The following TVP23A variants were observed in gnomAD, a reference collection of about 807,000 sequenced individuals.
TVP23A encodes the protein Golgi apparatus membrane protein TVP23 homolog A.
TVP23A carries 21 observed loss-of-function variants against 31.7 expected under a neutral mutation model. The ratio of observed to expected loss-of-function variants is 0.66; its 90% CI spans 0.47 to 0.95. The LOEUF (loss-of-function observed/expected upper bound fraction) is 0.95. Among genes scored for constraint, TVP23A ranks in the 40% least tolerant of loss-of-function variants. The probability of loss-of-function intolerance (pLI) is 0.00; values close to 1 mark genes in which losing one functional copy is unlikely to be tolerated. For synonymous variants in TVP23A, 104 were observed against 96.0 expected, an observed-to-expected ratio of 1.08 and a Z score of -0.49; for missense variants, 279 against 255.6, an observed-to-expected ratio of 1.09 and a Z score of -0.62.
rs1596499911 is a variant in TVP23A at position 10,774,799 on chromosome 16, C to T, written c.234+153G>A. 1.3e-5 allele frequency among the ~76,000 whole-genome samples: 2 copies of T among 151,996 alleles called. 1 individual carries two copies. Among genetic ancestry groups the T allele is most frequent in the African/African-American group, 4.8e-5 (2 of 41,388 alleles). ...CTAATTTTTGTATTTTTAGTAGAGACGGGGTTTCTCCATTCCCCTTACTTT... is the reference window on the plus strand; with the variant it reads ...CTAATTTTTGTATTTTTAGTAGAGATGGGGTTTCTCCATTCCCCTTACTTT... On this transcript the variant is annotated intron_variant, in intron 3 of 7. Coordinates refer to ENST00000299866, the MANE Select transcript of TVP23A (RefSeq NM_001079512.4).
rs186774437 is a variant in TVP23A at position 10,784,809 on chromosome 16, A to T, written c.90-9713T>A. 4.7e-3 allele frequency among the ~76,000 whole-genome samples: 723 copies of T among 152,300 alleles called. 4 individuals are homozygous for T. Among genetic ancestry groups the T allele is most frequent in the Non-Finnish European group, 5.9e-3 (398 of 68,010 alleles). On this transcript the variant is annotated intron_variant, in intron 2 of 7. Coordinates refer to ENST00000299866, the MANE Select transcript of TVP23A (RefSeq NM_001079512.4). Reference sequence around the variant, plus strand: ...CTACAAAACTGAAACTGCTCTAAAAACAGAGCCAGGTCCAGGTGTGGTGGC... The same window carrying T: ...CTACAAAACTGAAACTGCTCTAAAATCAGAGCCAGGTCCAGGTGTGGTGGC...
In TVP23A at chr16:10,777,504, C is replaced by T. The variant is rs1378635387; in HGVS notation, c.90-2408G>A. 6.6e-6 allele frequency among the ~76,000 whole-genome samples: 1 copy of T among 152,110 alleles called. No individual in the cohort carries two copies. The highest frequency in any genetic ancestry group is 1.5e-5 in the Non-Finnish European group (1 of 68,014). On this transcript the variant is annotated intron_variant, in intron 2 of 7. Transcript: ENST00000299866. This position sits in a 1 kb window ranked among gnomAD's most constrained non-coding sequence, Gnocchi z 4.5. ...CATTCTCCCCAAGAAGAAACGGAGT[C>T]CGAGTCAACAAACCACAGGTGCCTC...
At chr16:10,766,331 G>C (rs1157235269), downstream of TVP23A, among the ~76,000 whole-genome samples, 1 of 152,208 alleles carries the variant, frequency 6.6e-6, no homozygotes, top group African/African-American at 2.4e-5. This position sits in a 1 kb window ranked among gnomAD's most constrained non-coding sequence, Gnocchi z 4.8. Flanking sequence ...GGGATCTCTT[G>C]GAACAGGGCT....
At chr16:10,757,694 G>T (rs1900651224), downstream of TVP23A, among the ~76,000 whole-genome samples, 1 of 152,138 alleles carries the variant, frequency 6.6e-6, no homozygotes, top group East Asian at 1.9e-4. The surrounding 1 kb of genome is among the most constrained non-coding windows in gnomAD (Gnocchi z 4.1). Flanking sequence ...TGGGCACAGT[G>T]GCACGCACTT....
In TVP23A at chr16:10,777,477, C is replaced by T. The variant is rs2032116184; in HGVS notation, c.90-2381G>A. On this transcript the variant is annotated intron_variant, in intron 2 of 7. Transcript: ENST00000299866. The surrounding 1 kb of genome is among the most constrained non-coding windows in gnomAD (Gnocchi z 4.5). Reference sequence around the variant, plus strand: ...ACAGAACTGCAGGGGAAAGCGCCTGCTCATTCTCCCCAAGAAGAAACGGAG... The same window carrying T: ...ACAGAACTGCAGGGGAAAGCGCCTGTTCATTCTCCCCAAGAAGAAACGGAG... Among the ~76,000 whole-genome samples the T allele has an allele frequency of 6.6e-6, 1 of 152,132 alleles. No individual in the cohort carries two copies. Among genetic ancestry groups the T allele is most frequent in the East Asian group, 1.9e-4 (1 of 5,188 alleles).
At chr16:10,804,954 C>T (rs755824717) in intron 2 of TVP23A, among the ~76,000 whole-genome samples, 5 of 151,914 alleles carry the variant, frequency 3.3e-5, no homozygotes, top group African/African-American at 4.8e-5. Context: ...CCCCACTCCT[C>T]CCAGATCCTG....
chr16:10,782,131 G>T (rs565547125), intron 2 of TVP23A, among the ~76,000 whole-genome samples: 165 of 152,098 alleles, frequency 1.1e-3, no homozygotes, highest in African/African-American at 3.8e-3. Flanking sequence ...CAAAGTGCCA[G>T]GATTATAGGT....
chr16:10,803,268 T>TGTGTGTGTGTGTGCGC, intron 2 of TVP23A, among the ~76,000 whole-genome samples: 1 of 151,420 alleles, frequency 6.6e-6, no homozygotes, highest in East Asian at 2.0e-4. Context: ...TGTGTGTGTG[T>TGTGTGTGTGTGTGCGC]GTGTGTGTGT....
chr16:10,785,403 C>CAA (rs202222383), intron 2 of TVP23A, among the ~76,000 whole-genome samples: 1 of 139,278 alleles, frequency 7.2e-6, no homozygotes, highest in African/African-American at 2.6e-5. Flanking sequence ...GACTCCATCT[C>CAA]AAAAAAAAAA....
At chr16:10,761,974 G>T, downstream of TVP23A, 1 of 778,688 alleles carries the variant, frequency 1.3e-6, no homozygotes, top group South Asian at 1.7e-5. Flanking sequence ...AGGGTCAATG[G>T]GGCGCTGGAG....
chr16:10,811,595 C>T (rs1240654046), intron 2 of TVP23A, among the ~76,000 whole-genome samples: 1 of 150,846 alleles, frequency 6.6e-6, no homozygotes, highest in Non-Finnish European at 1.5e-5. Flanking sequence ...TTAAATTAAA[C>T]ACACACACAC....
At chr16:10,802,192 A>G (rs1344436199) in intron 2 of TVP23A, among the ~76,000 whole-genome samples, 1 of 151,182 alleles carries the variant, frequency 6.6e-6, no homozygotes, top group Admixed American at 6.6e-5. Flanking sequence ...ACAATGGGAC[A>G]ATTTGAGTAA....
At chr16:10,758,004 G>A (rs539225397), downstream of TVP23A, 35 of 1,614,050 alleles carry the variant, frequency 2.2e-5, no homozygotes, top group South Asian at 3.6e-4. Flanking sequence ...CATCGATGGA[G>A]CAGTGATCAT....
At chr16:10,798,655 TTTTG>T (rs2033534253) in intron 2 of TVP23A, among the ~76,000 whole-genome samples, 1 of 117,648 alleles carries the variant, frequency 8.5e-6, no homozygotes, top group Non-Finnish European at 1.6e-5. Context: ...GCAGCTTATG[TTTTG>T]TTTTTGTTTT....
intron 2 of TVP23A, among the ~76,000 whole-genome samples, chr16:10,782,731 T>C (rs2032500920): frequency 6.6e-6 from 1 of 152,180 alleles, no homozygotes; most frequent in Admixed American, 6.6e-5. Flanking sequence ...CTCAAATTCC[T>C]GGGCTCAAGC....
chr16:10,816,228 C>CAAAAAAAAAAA lies in TVP23A; in HGVS notation c.89+1864_89+1874dup, dbSNP rs760801777. Among the ~76,000 whole-genome samples the CAAAAAAAAAAA allele has an allele frequency of 8.3e-3, 609 of 73,722 alleles. 9 individuals are homozygous for CAAAAAAAAAAA. The highest frequency in any genetic ancestry group is 0.022 in the African/African-American group (588 of 26,570). 48.4% of individuals were successfully genotyped at this position (73,722 alleles called of 152,430 possible). On this transcript the variant is annotated intron_variant, in intron 2 of 7. Coordinates refer to ENST00000299866, the MANE Select transcript of TVP23A (RefSeq NM_001079512.4). ...TTGGCAACAGAGCAAAACCCTATCT[C>CAAAAAAAAAAA]AAAAAAAAAAAAAAAAAAAAGAAAT...
At chr16:10,757,355 C>T (rs915835771), downstream of TVP23A, among the ~76,000 whole-genome samples, 3 of 152,012 alleles carry the variant, frequency 2.0e-5, no homozygotes, top group African/African-American at 7.2e-5. This position sits in a 1 kb window ranked among gnomAD's most constrained non-coding sequence, Gnocchi z 4.1. Flanking sequence ...TTATTTGGGT[C>T]AGAGAGGTGA....
Position 10,818,057 on chromosome 16 carries a change from T to C in TVP23A, c.89+46A>G. 1 of 1,485,880 alleles carries C rather than the reference T, an allele frequency of 6.7e-7. No homozygotes were observed. The highest frequency in any genetic ancestry group is 9.3e-7 in the Non-Finnish European group (1 of 1,078,498). 92.0% of individuals were successfully genotyped at this position (1,485,880 alleles called of 1,614,324 possible). On this transcript the variant is annotated intron_variant, in intron 2 of 7. Coordinates refer to ENST00000299866, the MANE Select transcript of TVP23A (RefSeq NM_001079512.4). The surrounding 1 kb of genome is among the most constrained non-coding windows in gnomAD (Gnocchi z 4.7). The stretch of plus-strand genomic sequence containing the variant: ...ATGAATGAGTGAGTAAATGAATGAA[T>C]TTGCAGCTTTGGGGAACGCCTGACC...
At chr16:10,783,399 G>T (rs1165461886) in intron 2 of TVP23A, among the ~76,000 whole-genome samples, 1 of 152,206 alleles carries the variant, frequency 6.6e-6, no homozygotes, top group Non-Finnish European at 1.5e-5. Context: ...CAATTGGCCA[G>T]GTGTGGTGGC....
Sources: allele counts gnomAD v4.1 joint callset (sites outside exome capture counted in the v4.1 genomes callset), GRCh38; gene constraint gnomAD v4.1.1; non-coding constraint Gnocchi (gnomAD v3.1); transcripts MANE v1.5; gene names NCBI Gene and HGNC (gene_info 2026-07-23, HGNC 2026-07-21).